Variants in AFG1L observed in about 807,000 individuals in gnomAD.
AFG1L encodes the protein AFG1-like ATPase.
Under a neutral mutation model 62.2 loss-of-function variants are expected in AFG1L, and 53 were observed. The observed-to-expected ratio is 0.85, with a 90% CI of 0.68 to 1.07. The LOEUF is 1.07. AFG1L is among the 50% of genes least tolerant of loss of function. The pLI, the probability that AFG1L is intolerant of heterozygous loss-of-function variation, is 0.00. For missense variants in AFG1L, 555 were observed against 590.5 expected, an observed-to-expected ratio of 0.94 and a Z score of 0.62; for synonymous variants, 228 against 210.3, an observed-to-expected ratio of 1.08 and a Z score of -0.73.
chr6:108,329,444 GCC>G (rs2114334039), intron 2 of AFG1L, among the ~76,000 whole-genome samples: 1 of 151,902 alleles, frequency 6.6e-6, no homozygotes, highest in East Asian at 1.9e-4. Context: ...GATTACAGGC[GCC>G]CACCACCACG....
At chr6:108,475,979 T>C (rs1273562877) in intron 8 of AFG1L, among the ~76,000 whole-genome samples, 1 of 152,202 alleles carries the variant, frequency 6.6e-6, no homozygotes, top group African/African-American at 2.4e-5. Flanking sequence ...TGTGTCAAAA[T>C]TAAGCATATT....
chr6:108,398,672 T>G (rs1781420983), intron 6 of AFG1L, among the ~76,000 whole-genome samples: 1 of 152,336 alleles, frequency 6.6e-6, no homozygotes, highest in African/African-American at 2.4e-5. Context: ...CATATGGATA[T>G]CCAGTTTTTC....
intron 6 of AFG1L, among the ~76,000 whole-genome samples, chr6:108,396,955 C>T (rs1259462866): frequency 6.6e-6 from 1 of 152,128 alleles, no homozygotes; most frequent in Non-Finnish European, 1.5e-5. Flanking sequence ...TTTAAATGTA[C>T]AATTAAATTA....
chr6:108,297,186 A>C (rs759316795), intron 1 of AFG1L, among the ~76,000 whole-genome samples: 4 of 152,040 alleles, frequency 2.6e-5, no homozygotes, highest in Non-Finnish European at 5.9e-5. Context: ...GGCTCACTGC[A>C]ACCTCCACCT....
intron 10 of AFG1L, among the ~76,000 whole-genome samples, chr6:108,494,431 G>GC (rs111670254): frequency 2.3e-3 from 351 of 150,204 alleles, no homozygotes; most frequent in African/African-American, 5.9e-3. Context: ...AGCAAAATAT[G>GC]CCCCCCCCAC....
At chr6:108,421,075 A>G (rs1296023446) in intron 7 of AFG1L, among the ~76,000 whole-genome samples, 2 of 152,126 alleles carry the variant, frequency 1.3e-5, no homozygotes, top group African/African-American at 2.4e-5. Flanking sequence ...GCTCTTTGTC[A>G]TAGGCCACCA....
Position 108,402,048 on chromosome 6 carries a change from C to A in AFG1L, c.801C>A (p.Val267=). ...QRANFVPFIA[V]LKEYCNTVQL... is the part of the protein sequence containing the mutation. ...CTAACTTTGTACCATTCATAGCAGT[C>A]TTGAAGGTAAAAACAAATCATTTAT... is the stretch of plus-strand genomic sequence containing the variant. The change falls in exon 7 of 13, where the codon GTC becomes GTA. Residue 267 remains valine, a synonymous_variant. Transcript: ENST00000368977. 1 of 1,491,436 alleles carries A rather than the reference C, an allele frequency of 6.7e-7. No individual in the cohort carries two copies. Among genetic ancestry groups the A allele is most frequent in the Non-Finnish European group, 9.0e-7 (1 of 1,106,706 alleles). The allele number at this position is 1,491,436 out of a possible 1,614,324, so 92.4% of individuals were successfully genotyped here.
intron 1 of AFG1L, among the ~76,000 whole-genome samples, chr6:108,296,891 G>A (rs1203142192): frequency 3.3e-5 from 5 of 151,932 alleles, no homozygotes; most frequent in Non-Finnish European, 7.4e-5. Context: ...CCTCATTTTG[G>A]AGATCATGAA....
intron 6 of AFG1L, among the ~76,000 whole-genome samples, chr6:108,384,831 G>A (rs1015803340): frequency 6.6e-6 from 1 of 152,104 alleles, no homozygotes; most frequent in African/African-American, 2.4e-5. Context: ...CTTAATAGCA[G>A]AATGGAGATA....
At chr6:108,339,298 A>G (rs1446355023) in intron 2 of AFG1L, among the ~76,000 whole-genome samples, 1 of 151,720 alleles carries the variant, frequency 6.6e-6, no homozygotes, top group African/African-American at 2.4e-5. Context: ...GTGCCACCAC[A>G]TCGACTAATT....
intron 1 of AFG1L, among the ~76,000 whole-genome samples, chr6:108,317,312 G>A (rs1375443199): frequency 6.6e-6 from 1 of 152,146 alleles, no homozygotes; most frequent in Non-Finnish European, 1.5e-5. Context: ...TTCGAGCTGA[G>A]GGTTTTTATG....
At chr6:108,462,533 A>ACTATTTGAAACAGCAC (rs1562176580) in intron 8 of AFG1L, among the ~76,000 whole-genome samples, 1 of 152,232 alleles carries the variant, frequency 6.6e-6, no homozygotes, top group Non-Finnish European at 1.5e-5. Flanking sequence ...AATTAATTTC[A>ACTATTTGAAACAGCAC]CTATTTGAAA....
At chr6:108,472,467 A>G (rs1349850350) in intron 8 of AFG1L, among the ~76,000 whole-genome samples, 1 of 152,222 alleles carries the variant, frequency 6.6e-6, no homozygotes, top group Non-Finnish European at 1.5e-5. Context: ...TTCACTATAT[A>G]TATCAAAACA....
chr6:108,462,232 T>C (rs1385120626), intron 8 of AFG1L, among the ~76,000 whole-genome samples: 1 of 151,952 alleles, frequency 6.6e-6, no homozygotes, highest in Non-Finnish European at 1.5e-5. Flanking sequence ...AGAGACCTCA[T>C]GTCTACAAAG....
intron 8 of AFG1L, among the ~76,000 whole-genome samples, chr6:108,454,772 C>T (rs1043746692): frequency 6.6e-6 from 1 of 152,178 alleles, no homozygotes; most frequent in Non-Finnish European, 1.5e-5. Context: ...CGTGCCTCAG[C>T]CTACCGAGTA....
chr6:108,405,913 TAGCAC>T (rs1781831541), intron 7 of AFG1L, among the ~76,000 whole-genome samples: 1 of 152,254 alleles, frequency 6.6e-6, no homozygotes, highest in South Asian at 2.1e-4. Flanking sequence ...TTATTTCACT[TAGCAC>T]ATTGTCTCCA....
chr6:108,378,112 C>T (rs1003850324), intron 6 of AFG1L, among the ~76,000 whole-genome samples: 1 of 150,926 alleles, frequency 6.6e-6, no homozygotes, highest in Non-Finnish European at 1.5e-5. Context: ...CTGCTTGGTC[C>T]AGTCCATTTA....
chr6:108,412,072 G>T (rs145435870), intron 7 of AFG1L, among the ~76,000 whole-genome samples: 10,381 of 152,284 alleles, frequency 0.068, 481 homozygotes, highest in Non-Finnish European at 0.1. Flanking sequence ...GTCCTTAAAT[G>T]ACCTGATGGA....
At chr6:108,372,075 A>C (rs1035355599) in intron 6 of AFG1L, among the ~76,000 whole-genome samples, 3 of 151,950 alleles carry the variant, frequency 2.0e-5, no homozygotes, top group African/African-American at 7.2e-5. Flanking sequence ...TTTATTTTAA[A>C]TAACATTTCT....
Sources: gnomAD v4.1 joint callset for allele counts (sites outside exome capture counted in the v4.1 genomes callset) on GRCh38, gnomAD v4.1.1 for gene constraint, MANE v1.5 for transcripts, NCBI Gene and HGNC (gene_info 2026-07-23, HGNC 2026-07-21) for gene names.